The following CNTN5 variants were observed in gnomAD, a reference collection of about 807,000 sequenced individuals.
CNTN5 encodes the protein contactin 5.
CNTN5 carries 77 observed loss-of-function variants against 129.1 expected under a neutral mutation model. The ratio of observed to expected loss-of-function variants is 0.60; its 90% confidence interval spans 0.50 to 0.72. CNTN5 has a LOEUF of 0.72. Ranked by LOEUF, CNTN5 falls within the 30% of genes least tolerant of loss-of-function variation. CNTN5 has a pLI of 0.00. For synonymous variants in CNTN5, 509 were observed against 465.6 expected (o/e 1.09, Z -1.20); for missense variants, 1,478 against 1,328.8 (o/e 1.11, Z -1.75).
intron 2 of CNTN5, among the ~76,000 whole-genome samples, chr11:99,414,919 G>A (rs1386642423): frequency 6.6e-6 from 1 of 152,078 alleles, no homozygotes; most frequent in South Asian, 2.1e-4. Flanking sequence ...AATTTTCTGT[G>A]CTTTTTAGTT....
At chr11:99,884,389 T>C (rs1948844962) in intron 6 of CNTN5, among the ~76,000 whole-genome samples, 1 of 152,066 alleles carries the variant, frequency 6.6e-6, no homozygotes, top group Admixed American at 6.6e-5. Flanking sequence ...TAAGACATTA[T>C]CCAAATTGAC....
chr11:99,995,009 G>C (rs762887209), intron 8 of CNTN5, among the ~76,000 whole-genome samples: 4 of 152,172 alleles, frequency 2.6e-5, no homozygotes, highest in African/African-American at 4.8e-5. Context: ...TTGATAAAGA[G>C]AGAAGAAGTC....
At chr11:99,102,564 C>G (rs1489847886) in intron 1 of CNTN5, among the ~76,000 whole-genome samples, 4 of 152,152 alleles carry the variant, frequency 2.6e-5, no homozygotes, top group African/African-American at 9.7e-5. Context: ...TTCCACAGAT[C>G]TCTAGGGCAG....
At chr11:99,608,094 G>T (rs1321920345) in intron 3 of CNTN5, among the ~76,000 whole-genome samples, 1 of 67,842 alleles carries the variant, frequency 1.5e-5, no homozygotes, top group East Asian at 8.0e-4. Context: ...AAAACTTAGA[G>T]TATAATAAAA....
intron 8 of CNTN5, among the ~76,000 whole-genome samples, chr11:99,999,409 C>T (rs1565773705): frequency 2.0e-5 from 3 of 152,292 alleles, no homozygotes; most frequent in African/African-American, 7.2e-5. Flanking sequence ...TGCAAAAATG[C>T]TCATCATCAC....
chr11:100,004,460 A>C (rs958418209), intron 9 of CNTN5, among the ~76,000 whole-genome samples: 2 of 152,102 alleles, frequency 1.3e-5, no homozygotes, highest in African/African-American at 2.4e-5. Context: ...ACTCACACCC[A>C]TTATTCTCTG....
In CNTN5 at chr11:99,613,087, T is replaced by C. The variant is rs189359112; in HGVS notation, c.55+56818T>C. On this transcript the variant is annotated intron_variant, in intron 3 of 24. Coordinates refer to ENST00000524871, the MANE Select transcript of CNTN5 (RefSeq NM_014361.4). ...CAAGGTCTTTAGTCCACAACCACGA[T>C]GCTCACAGGCACCATCCATCATTAA... 2.7e-4 allele frequency among the ~76,000 whole-genome samples: 41 copies of C among 152,256 alleles called. No individual in the cohort carries two copies. In the East Asian group the frequency reaches 5.8e-3, roughly 22 times the overall value.
At chr11:99,266,023 C>G (rs950747108) in intron 1 of CNTN5, among the ~76,000 whole-genome samples, 7 of 151,720 alleles carry the variant, frequency 4.6e-5, no homozygotes, top group Non-Finnish European at 8.8e-5. Flanking sequence ...ATAGGAAGAA[C>G]AGAGGATAAG....
At chr11:100,300,031 C>G (rs1951184452) in intron 20 of CNTN5, among the ~76,000 whole-genome samples, 1 of 151,490 alleles carries the variant, frequency 6.6e-6, no homozygotes, top group Admixed American at 6.6e-5. Flanking sequence ...ACCACTAACT[C>G]CTTGATTTTT....
intron 9 of CNTN5, among the ~76,000 whole-genome samples, chr11:100,037,937 T>C (rs924028781): frequency 8.5e-5 from 13 of 152,172 alleles, no homozygotes; most frequent in Non-Finnish European, 1.6e-4. Context: ...ATTCATTGAT[T>C]TTTTGAAGGG....
intron 3 of CNTN5, among the ~76,000 whole-genome samples, chr11:99,636,637 T>C: frequency 6.6e-6 from 1 of 152,088 alleles, no homozygotes. Context: ...TAGTTGCCTG[T>C]GTTCTTCTAC....
At chr11:99,698,437 CCTAA>C (rs1033082755) in intron 3 of CNTN5, among the ~76,000 whole-genome samples, 1 of 151,160 alleles carries the variant, frequency 6.6e-6, no homozygotes, top group East Asian at 1.9e-4. Context: ...ATTTTGAGTC[CCTAA>C]CTGTGTTTTC....
chr11:99,060,270 A>G (rs930310807), intron 1 of CNTN5, among the ~76,000 whole-genome samples: 16 of 152,120 alleles, frequency 1.1e-4, no homozygotes, highest in African/African-American at 3.6e-4. Context: ...GAAAATCTCA[A>G]TACCGGGCTT....
In CNTN5 at chr11:100,356,434, C is replaced by T. The variant is rs1050006516; in HGVS notation, c.*214C>T. On this transcript the variant is annotated 3_prime_UTR_variant, in exon 25 of 25. Transcript: ENST00000524871. ...TAAACGGAGAGGACAGTTCTTAGTCCAGTAAAAATATGCAGATTGTATGTA... is the reference window on the plus strand; with the variant it reads ...TAAACGGAGAGGACAGTTCTTAGTCTAGTAAAAATATGCAGATTGTATGTA... The T allele has an allele frequency of 3.7e-6, 2 of 536,124 alleles. No individual in the cohort carries two copies. Among genetic ancestry groups the T allele is most frequent in the African/African-American group, 3.9e-5 (2 of 51,844 alleles). The allele number at this position is 536,124 out of a possible 1,614,324, so 33.2% of individuals were successfully genotyped here.
chr11:99,896,778 A>C (rs1424860670), intron 6 of CNTN5, among the ~76,000 whole-genome samples: 1 of 152,136 alleles, frequency 6.6e-6, no homozygotes, highest in Non-Finnish European at 1.5e-5. Flanking sequence ...AGCACACAAC[A>C]TGCCCCATAG....
intron 7 of CNTN5, among the ~76,000 whole-genome samples, chr11:99,925,985 T>C (rs956996839): frequency 6.6e-6 from 1 of 152,138 alleles, no homozygotes; most frequent in Non-Finnish European, 1.5e-5. Context: ...ACATTTACCA[T>C]TGGTCTGTCT....
At chr11:99,434,991 G>A (rs1943545236) in intron 2 of CNTN5, among the ~76,000 whole-genome samples, 1 of 152,100 alleles carries the variant, frequency 6.6e-6, no homozygotes, top group Admixed American at 6.6e-5. Context: ...TCAGCAAAGA[G>A]TATAATCATC....
chr11:99,924,654 G>T (rs925296056), intron 7 of CNTN5, among the ~76,000 whole-genome samples: 1 of 151,540 alleles, frequency 6.6e-6, no homozygotes, highest in Non-Finnish European at 1.5e-5. Flanking sequence ...AGTTTGAAGT[G>T]GTTATCATGC....
At chr11:99,308,716 G>T (rs1415685633) in intron 1 of CNTN5, among the ~76,000 whole-genome samples, 2 of 152,000 alleles carry the variant, frequency 1.3e-5, no homozygotes, top group Non-Finnish European at 2.9e-5. Flanking sequence ...TCCTAACATT[G>T]TTTCAATAAT....
Sources: allele counts gnomAD v4.1 joint callset (sites outside exome capture counted in the v4.1 genomes callset), GRCh38; gene constraint gnomAD v4.1.1; transcripts MANE v1.5; gene names NCBI Gene and HGNC (gene_info 2026-07-23, HGNC 2026-07-21).